HMCN2: variants seen among roughly 807,000 people sequenced by gnomAD.
HMCN2 encodes hemicentin 2, also known as hemicentin-2.
In HMCN2, 325 loss-of-function variants were observed where a neutral mutation model predicts 377.5. The observed-to-expected ratio is 0.86, with a 90% confidence interval of 0.79 to 0.94. The LOEUF (loss-of-function observed/expected upper bound fraction) is 0.94, where lower values mean the gene tolerates loss of function less well. HMCN2 is among the 40% of genes least tolerant of loss of function. The pLI, the probability that HMCN2 is intolerant of heterozygous loss-of-function variation, is 0.00. For missense variants in HMCN2, 4,543 were observed against 4,725.3 expected, an observed-to-expected ratio of 0.96 and a Z score of 1.13; for synonymous variants, 2,007 against 2,046.8, an observed-to-expected ratio of 0.98 and a Z score of 0.53.
chr9:130,326,893 T>A (rs1838161740), intron 21 of HMCN2, among the ~76,000 whole-genome samples: 1 of 149,656 alleles, frequency 6.7e-6, no homozygotes, highest in Non-Finnish European at 1.5e-5. Context: ...AGAGGGAGGG[T>A]CTGTGCATTC....
chr9:130,362,240 G>A, intron 39 of HMCN2, 75 bp downstream of exon 39: 1 of 945,934 alleles, frequency 1.1e-6, no homozygotes, highest in Non-Finnish European at 1.3e-6. Flanking sequence ...GTCAGGCCCT[G>A]GGAACTTAGG....
chr9:130,346,726 G>T (rs1839411354), intron 25 of HMCN2, among the ~76,000 whole-genome samples: 1 of 152,094 alleles, frequency 6.6e-6, no homozygotes, highest in African/African-American at 2.4e-5. Flanking sequence ...AAAGAGCCTG[G>T]CCCTCGTCGG....
intron 4 of HMCN2, among the ~76,000 whole-genome samples, chr9:130,287,086 C>A (rs1835452492): frequency 6.6e-6 from 1 of 152,156 alleles, no homozygotes; most frequent in African/African-American, 2.4e-5. Flanking sequence ...CGGCTGATTC[C>A]AAGTCAGAGT....
Position 130,396,259 on chromosome 9 carries a change from C to T in HMCN2, c.11144C>T (p.Ala3715Val). 1 of 1,286,354 alleles carries T rather than the reference C, an allele frequency of 7.8e-7. No homozygotes were observed. The allele number at this position is 1,286,354 out of a possible 1,614,324, so 79.7% of individuals were successfully genotyped here. A position where few individuals can be genotyped will look rare whatever the true frequency, so the allele number is the denominator to read the frequency against. Reference protein sequence around the residue: ...LLPCQADGVPAPLVSWRKDRV... With the variant: ...LLPCQADGVPVPLVSWRKDRV... ...CCTTGCCAGGCCGACGGCGTGCCCG[C>T]ACCCCTCGTGAGCTGGCGGAAGGAC... Residue 3715 changes from alanine to valine, a missense_variant, in exon 73 of 98, where the codon GCA becomes GTA. This residue lies in a region of HMCN2 where 1,073 missense variants were observed against 1,319.5 expected (regional missense o/e 0.81). Coordinates refer to ENST00000683500, the MANE Select transcript of HMCN2 (RefSeq NM_001291815.2).
At chr9:130,345,878 G>A (rs1176985415) in intron 25 of HMCN2, among the ~76,000 whole-genome samples, 2 of 151,990 alleles carry the variant, frequency 1.3e-5, no homozygotes, top group African/African-American at 2.4e-5. Context: ...GTAGGGCGGA[G>A]GGGGCAGGGC....
rs1403147281 is a variant in HMCN2, at chr9:130,403,851, G to A, written c.12124G>A (p.Gly4042Arg). The A allele has an allele frequency of 7.8e-7, 1 of 1,289,606 alleles. No homozygotes were observed. The highest frequency in any genetic ancestry group is 5.6e-5 in the East Asian group (1 of 18,016). The allele number at this position is 1,289,606 out of a possible 1,614,324, so 79.9% of individuals were successfully genotyped here. The stretch of plus-strand genomic sequence containing the variant: ...TAAGAACAGTGCGGGCAGTGCCATG[G>A]GGAAGACGCGGCTGGTGGTGCAAGG... Reference protein sequence around the residue: ...IAKNSAGSAMGKTRLVVQVPP... With the variant: ...IAKNSAGSAMRKTRLVVQVPP... The change falls in exon 80 of 98, where the codon GGG becomes AGG. Residue 4042 changes from glycine (G) to arginine (R), a missense_variant. Gly to Arg is a moderately radical substitution (Grantham distance 125). Coordinates refer to ENST00000683500, the MANE Select transcript of HMCN2 (RefSeq NM_001291815.2).
At chr9:130,267,626 A>C (rs1834193115) in intron 1 of HMCN2, among the ~76,000 whole-genome samples, 1 of 152,262 alleles carries the variant, frequency 6.6e-6, no homozygotes, top group South Asian at 2.1e-4. Context: ...AAAATGGACA[A>C]AACAGTGGGA....
Position 130,349,590 on chromosome 9 carries a change from G to C in HMCN2, c.4357G>C (p.Gly1453Arg), listed in dbSNP as rs994707144. The C allele has an allele frequency of 7.7e-7, 1 of 1,303,998 alleles. No homozygotes were observed. Among genetic ancestry groups the C allele is most frequent in the Non-Finnish European group, 1.0e-6 (1 of 988,898 alleles). 80.8% of individuals were successfully genotyped at this position (1,303,998 alleles called of 1,614,324 possible). ...CGCTCAGGAGGTGCTAGGATTGGCC[G>C]GTGCAGACGTGGAGCTGCAGTGTTG... ...GAAQEVLGLAGADVELQCWTS... is the reference protein window; with the variant it reads ...GAAQEVLGLARADVELQCWTS... Residue 1453 changes from glycine to arginine, a missense_variant, in exon 29 of 98, where the codon GGT becomes CGT. Gly to Arg is a moderately radical substitution (Grantham distance 125). Transcript: ENST00000683500.
chr9:130,403,132 G>A (rs555686580), intron 78 of HMCN2, 62 bp from the exon 79 acceptor site: 29 of 1,245,690 alleles, frequency 2.3e-5, no homozygotes, highest in Non-Finnish European at 2.6e-5. Flanking sequence ...TCCGAGGCCC[G>A]CTGGTTGGAG....
chr9:130,296,615 C>A (rs2131317858), intron 6 of HMCN2, 59 bp from the exon 7 acceptor site: 1 of 461,106 alleles, frequency 2.2e-6, no homozygotes, highest in Non-Finnish European at 4.5e-6. Context: ...CACCTCCTGC[C>A]CTAAGCTGGA....
In HMCN2 at chr9:130,431,611, G is replaced by C; in HGVS notation, c.14767+125G>C. On this transcript the variant is annotated intron_variant, in intron 96 of 97. Coordinates refer to ENST00000683500, the MANE Select transcript of HMCN2 (RefSeq NM_001291815.2). ...CCTTCACAACTATCCTGTGAGGTGGGGCGGGGAGGCAGGCTCAGAGGGGTT... is the reference window on the plus strand; with the variant it reads ...CCTTCACAACTATCCTGTGAGGTGGCGCGGGGAGGCAGGCTCAGAGGGGTT... 4 of 1,375,708 alleles carry C rather than the reference G, an allele frequency of 2.9e-6. No homozygotes were observed. The South Asian group carries it at 5.7e-5, about 20-fold the overall frequency. The allele number at this position is 1,375,708 out of a possible 1,614,324, so 85.2% of individuals were successfully genotyped here.
chr9:130,274,983 C>T (rs999312210), intron 1 of HMCN2, among the ~76,000 whole-genome samples: 1 of 152,190 alleles, frequency 6.6e-6, no homozygotes, highest in Non-Finnish European at 1.5e-5. Context: ...GATAAAATTG[C>T]TTTGTTAAAG....
chr9:130,402,431 G>C (rs977346508), intron 77 of HMCN2, among the ~76,000 whole-genome samples: 9 of 152,234 alleles, frequency 5.9e-5, no homozygotes, highest in Admixed American at 5.9e-4. Flanking sequence ...AGCAGAGCAA[G>C]GTGAGAATGA....
Position 130,408,802 on chromosome 9 carries a change from A to T in HMCN2, c.12748A>T (p.Ile4250Phe). 1 of 1,289,750 alleles carries T rather than the reference A, an allele frequency of 7.8e-7. No homozygotes were observed. The highest frequency in any genetic ancestry group is 1.0e-6 in the Non-Finnish European group (1 of 988,808). The allele number at this position is 1,289,750 out of a possible 1,614,324, so 79.9% of individuals were successfully genotyped here. A position where few individuals can be genotyped will look rare whatever the true frequency, so the allele number is the denominator to read the frequency against. ...CCTGGTGGAACCTGTAGGAGGCAGC[A>T]TTCAGCTAGACTGTGTGGTGCGTGG... ...SYLVEPVGGS[I>F]QLDCVVRGDP... is the part of the protein sequence containing the mutation. Residue 4250 changes from isoleucine (I) to phenylalanine (F), a missense_variant, in exon 84 of 98, where the codon ATT (isoleucine) becomes TTT (phenylalanine). Physicochemically the swap from Ile to Phe is conservative, Grantham distance 21 (BLOSUM62 0). This residue lies in a region of HMCN2 where 1,073 missense variants were observed against 1,319.5 expected (regional missense o/e 0.81). Transcript: ENST00000683500.
rs530352743 is a variant in HMCN2 at position 130,391,963 on chromosome 9, C to A, written c.9981C>A (p.Asp3327Glu). The A allele has an allele frequency of 7.1e-6, 7 of 988,164 alleles. No individual in the cohort carries two copies. The highest frequency in any genetic ancestry group is 7.2e-6 in the Non-Finnish European group (6 of 830,314). 61.2% of individuals were successfully genotyped at this position (988,164 alleles called of 1,614,324 possible). Residue 3327 changes from aspartate (D) to glutamate (E), a missense_variant, in exon 66 of 98, where the codon GAC becomes GAA. Around this residue, in one of 5 missense-constraint regions of HMCN2, gnomAD observed 1,073 missense variants for 1,319.5 expected, o/e 0.81. Transcript: ENST00000683500. ...LVPPTIKQGA[D>E]GSGTLVSRPG... The stretch of plus-strand genomic sequence containing the variant: ...CTCCCACCATCAAGCAGGGAGCAGA[C>A]GGCTCGGGGACCCTGGTGAGCAGGC...
Position 130,418,886 on chromosome 9 carries a change from C to T in HMCN2, c.13076C>T (p.Ala4359Val), listed in dbSNP as rs774740738. Residue 4359 changes from alanine (A) to valine (V), a missense_variant, in exon 86 of 98, where the codon GCG (alanine) becomes GTG (valine). By Grantham distance (64) the Ala-to-Val change is moderately conservative (BLOSUM62 0). Transcript: ENST00000683500. ...ACACCCACCATTGAATGGCTACAGG[C>T]GGGTCAACCCTTGCGGGCCAGCCGG... ...EPTPTIEWLQ[A>V]GQPLRASRRL... 83 of 1,549,662 alleles carry T rather than the reference C, an allele frequency of 5.4e-5. No homozygotes were observed. The East Asian group carries it at 6.8e-4, about 13-fold the overall frequency.
chr9:130,409,676 A>G (rs1270575123), intron 84 of HMCN2, among the ~76,000 whole-genome samples: 1 of 152,232 alleles, frequency 6.6e-6, no homozygotes, highest in South Asian at 2.1e-4. Context: ...TGTGATGCTT[A>G]TAAGATCCTA....
chr9:130,427,887 G>A (rs534386356), intron 92 of HMCN2, among the ~76,000 whole-genome samples: 1 of 152,312 alleles, frequency 6.6e-6, no homozygotes, highest in East Asian at 1.9e-4. Context: ...CATGCTCACC[G>A]CATTCTGAAC....
chr9:130,352,683 GC>G (rs2131529532), intron 30 of HMCN2, among the ~76,000 whole-genome samples: 1 of 152,204 alleles, frequency 6.6e-6, no homozygotes, highest in Non-Finnish European at 1.5e-5. Flanking sequence ...GCAGAGCAGG[GC>G]CCAGAATCCA....
Sources: gnomAD v4.1 joint callset for allele counts (sites outside exome capture counted in the v4.1 genomes callset) on GRCh38, gnomAD v4.1.1 for gene constraint, gnomAD v4.1.1 regional missense constraint, MANE v1.5 for transcripts, NCBI Gene and HGNC (gene_info 2026-07-23, HGNC 2026-07-21) for gene names.